Variants in EPN1 observed in about 807,000 individuals in gnomAD.
EPN1 encodes epsin 1.
A neutral mutation model predicts 56.9 loss-of-function variants in EPN1; 25 were observed. The observed-to-expected ratio is 0.44, with a 90% CI of 0.32 to 0.61. The LOEUF (loss-of-function observed/expected upper bound fraction) is 0.61. Ranked by LOEUF, EPN1 falls within the 20% of genes least tolerant of loss-of-function variation. The probability of loss-of-function intolerance (pLI) is 0.05; values close to 1 mark genes in which losing one functional copy is unlikely to be tolerated. For missense variants in EPN1, 785 were observed against 823.7 expected (o/e 0.95, Z 0.58); for synonymous variants, 411 against 361.8 (o/e 1.14, Z -1.54).
In EPN1 at chr19:55,708,466, A is replaced by T. The variant is rs2122264718; in HGVS notation, c.*13110A>T. The T allele has an allele frequency of 2.0e-5, 3 of 152,914 alleles. No individual in the cohort carries two copies. In the South Asian group the frequency reaches 6.2e-4, roughly 32 times the overall value. 9.5% of individuals were successfully genotyped at this position (152,914 alleles called of 1,614,324 possible). On this transcript the variant is annotated 3_prime_UTR_variant, in exon 11 of 11. Coordinates refer to ENST00000270460, the MANE Select transcript of EPN1 (RefSeq NM_001130072.2). ...GGAAATGCTTTTTTATTGGACAAGA[A>T]AATTGATCAAATCGAAATCTGGACA...
intron 2 of EPN1, among the ~76,000 whole-genome samples, chr19:55,682,644 G>A (rs552667566): frequency 6.4e-4 from 98 of 152,086 alleles, no homozygotes; most frequent in Middle Eastern, 6.8e-3. Flanking sequence ...TGTCACCCAC[G>A]ATGGTCTTGA....
chr19:55,683,269 C>G (rs1375178545), intron 2 of EPN1, among the ~76,000 whole-genome samples: 1 of 152,066 alleles, frequency 6.6e-6, no homozygotes, highest in African/African-American at 2.4e-5. Context: ...GTTGGCCAGG[C>G]TGGTCTCAAA....
In EPN1 at chr19:55,695,063, C is replaced by G; in HGVS notation, c.1522+80C>G. 2 of 1,596,984 alleles carry G rather than the reference C, an allele frequency of 1.3e-6. No individual in the cohort carries two copies. The highest frequency in any genetic ancestry group is 1.7e-6 in the Non-Finnish European group (2 of 1,171,226). ...GGTGCCTCACGGGGCAGGGACACTT[C>G]GCCCTTTGCCTGCACATGCTGGATG... On this transcript the variant is annotated intron_variant, in intron 10 of 10. Transcript: ENST00000270460. The surrounding 1 kb of genome is among the most constrained non-coding windows in gnomAD (Gnocchi z 4.4).
intron 3 of EPN1, among the ~76,000 whole-genome samples, chr19:55,688,127 T>C (rs1226186284): frequency 6.6e-6 from 1 of 152,152 alleles, no homozygotes; most frequent in African/African-American, 2.4e-5. Context: ...GGCCCTGTGC[T>C]CGGCGGGCCT....
In EPN1 at chr19:55,694,900, C is replaced by T; in HGVS notation, c.1439C>T (p.Ala480Val). The stretch of plus-strand genomic sequence containing the variant: ...GAGTCATTCCTGGGGCCCAATGCAG[C>T]CCTCGTCGACCTGGACTCGCTGGTG... ...TPESFLGPNA[A>V]LVDLDSLVSR... Residue 480 changes from alanine (A) to valine (V), a missense_variant, in exon 10 of 11, where the codon GCC becomes GTC. Ala to Val is a moderately conservative substitution (Grantham distance 64, BLOSUM62 0). Around this residue, in one of 2 missense-constraint regions of EPN1, gnomAD observed 650 missense variants for 605.0 expected, o/e 1.07. Coordinates refer to ENST00000270460, the MANE Select transcript of EPN1 (RefSeq NM_001130072.2). This position sits in a 1 kb window ranked among gnomAD's most constrained non-coding sequence, Gnocchi z 4.2. The T allele has an allele frequency of 6.3e-7, 1 of 1,590,646 alleles. No homozygotes were observed. The highest frequency in any genetic ancestry group is 8.6e-7 in the Non-Finnish European group (1 of 1,168,896).
Position 55,700,301 on chromosome 19 carries a change from T to G in EPN1, c.*4945T>G, listed in dbSNP as rs1317224429. 1 of 143,984 alleles carries G rather than the reference T, an allele frequency of 6.9e-6. No homozygotes were observed. Among genetic ancestry groups the G allele is most frequent in the African/African-American group, 2.7e-5 (1 of 37,144 alleles). 8.9% of individuals were successfully genotyped at this position (143,984 alleles called of 1,614,324 possible). On this transcript the variant is annotated 3_prime_UTR_variant, in exon 11 of 11. Coordinates refer to ENST00000270460, the MANE Select transcript of EPN1 (RefSeq NM_001130072.2). ...ATTATTATTTATTTTTTTTTTGAGA[T>G]GGAGTCTTGCTCTCGTCCCCCAGGC... is the stretch of plus-strand genomic sequence containing the variant.
At chr19:55,678,486 A>G in intron 1 of EPN1, 41 bp from the exon 2 acceptor site, 1 of 1,509,666 alleles carries the variant, frequency 6.6e-7, no homozygotes, top group Non-Finnish European at 8.8e-7. Context: ...TGGGCAGGCC[A>G]TGTCCCATTT....
chr19:55,678,583 C>A lies in EPN1; in HGVS notation c.-45C>A. On this transcript the variant is annotated 5_prime_UTR_variant, in exon 2 of 11. Coordinates refer to ENST00000270460, the MANE Select transcript of EPN1 (RefSeq NM_001130072.2). ...TTCGTCCGGGAGTCGCCCCATCTCTCCACGCATCGGGGCCCTGTGCCCCTT... is the reference window on the plus strand; with the variant it reads ...TTCGTCCGGGAGTCGCCCCATCTCTACACGCATCGGGGCCCTGTGCCCCTT... 6.4e-7 allele frequency: 1 copy of A among 1,570,004 alleles called. No individual in the cohort carries two copies. Among genetic ancestry groups the A allele is most frequent in the Non-Finnish European group, 8.6e-7 (1 of 1,159,932 alleles).
chr19:55,691,870 G>T lies in EPN1; in HGVS notation c.879G>T (p.Ser293=), dbSNP rs554975161. 16 of 1,601,040 alleles carry T rather than the reference G, an allele frequency of 1.0e-5. No individual in the cohort carries two copies. The highest frequency in any genetic ancestry group is 2.7e-5 in the African/African-American group (2 of 74,580). The change falls in exon 7 of 11, where the codon TCG becomes TCT. Residue 293 remains serine, a synonymous_variant. Transcript: ENST00000270460. This position sits in a 1 kb window ranked among gnomAD's most constrained non-coding sequence, Gnocchi z 5.6. ...AAAVPTAAPT[S]DPWGGPPVPP... ...CCGTCCCCACGGCTGCCCCCACCTC[G>T]GACCCCTGGGGCGGCCCCCCTGTCC...
intron 2 of EPN1, among the ~76,000 whole-genome samples, chr19:55,682,205 C>T (rs1365971894): frequency 6.6e-6 from 1 of 152,192 alleles, no homozygotes; most frequent in South Asian, 2.1e-4. Context: ...CATGTGGACA[C>T]CTGTGTAGCC....
rs1986531588 is a variant in EPN1 at position 55,691,301 on chromosome 19, C to T, written c.763-453C>T. Among the ~76,000 whole-genome samples, 1 of 152,052 alleles carries T rather than the reference C, an allele frequency of 6.6e-6. No individual in the cohort carries two copies. The highest frequency in any genetic ancestry group is 2.4e-5 in the African/African-American group (1 of 41,388). On this transcript the variant is annotated intron_variant, in intron 6 of 10. Coordinates refer to ENST00000270460, the MANE Select transcript of EPN1 (RefSeq NM_001130072.2). This position sits in a 1 kb window ranked among gnomAD's most constrained non-coding sequence, Gnocchi z 5.6. The stretch of plus-strand genomic sequence containing the variant: ...TTGACCTGAGTGGGTTCATGGGGGG[C>T]TTCCCAGGGGAAGGCATGGAGCAGG...
rs141644934 is a variant in EPN1, at chr19:55,697,451, A to G, written c.*2095A>G. 1.3e-3 allele frequency: 198 copies of G among 152,368 alleles called. No homozygotes were observed. The highest frequency in any genetic ancestry group is 4.6e-3 in the African/African-American group (193 of 41,588). 9.4% of individuals were successfully genotyped at this position (152,368 alleles called of 1,614,324 possible). On this transcript the variant is annotated 3_prime_UTR_variant, in exon 11 of 11. Coordinates refer to ENST00000270460, the MANE Select transcript of EPN1 (RefSeq NM_001130072.2). ...CCTGCACTCCCTTTCTCTTCAAAAA[A>G]GCTGAGGACGAAGATAAAATGATAC... is the stretch of plus-strand genomic sequence containing the variant.
At position 55,707,416 on chromosome 19, in the gene EPN1, G is replaced by A. The variant is rs1401716153; in HGVS notation, c.*12060G>A. The A allele has an allele frequency of 6.6e-6, 1 of 152,356 alleles. No homozygotes were observed. Among genetic ancestry groups the A allele is most frequent in the Non-Finnish European group, 1.5e-5 (1 of 68,192 alleles). 9.4% of individuals were successfully genotyped at this position (152,356 alleles called of 1,614,324 possible). ...AGTCAAATGTGAAACTGGTGTCAGG[G>A]GTATGTTCTCCATGTTGAGCCCCTT... On this transcript the variant is annotated 3_prime_UTR_variant, in exon 11 of 11. Coordinates refer to ENST00000270460, the MANE Select transcript of EPN1 (RefSeq NM_001130072.2).
chr19:55,680,349 T>G (rs1465967667), intron 2 of EPN1, among the ~76,000 whole-genome samples: 1 of 152,144 alleles, frequency 6.6e-6, no homozygotes, highest in Non-Finnish European at 1.5e-5. Flanking sequence ...TCCCCAGGCC[T>G]GGCTGTTCCT....
Position 55,691,987 on chromosome 19 carries a change from C to T in EPN1, c.996C>T (p.Asp332=). The T allele has an allele frequency of 1.3e-6, 2 of 1,493,328 alleles. No homozygotes were observed. The highest frequency in any genetic ancestry group is 1.8e-6 in the Non-Finnish European group (2 of 1,128,598). The allele number at this position is 1,493,328 out of a possible 1,614,324, so 92.5% of individuals were successfully genotyped here. ...RPAAPAGPSV[D]PWGGTPAPAA... The stretch of plus-strand genomic sequence containing the variant: ...CTGCCCCTGCAGGACCCTCAGTTGA[C>T]CCTTGGGGTGGGACCCCAGCCCCTG... Residue 332 remains aspartate, a synonymous_variant, in exon 7 of 11, where the codon GAC becomes GAT. Coordinates refer to ENST00000270460, the MANE Select transcript of EPN1 (RefSeq NM_001130072.2). This position sits in a 1 kb window ranked among gnomAD's most constrained non-coding sequence, Gnocchi z 5.6.
intron 1 of EPN1, 55 bp downstream of exon 1, chr19:55,675,490 G>C (rs1320151994): frequency 6.6e-6 from 1 of 152,352 alleles, no homozygotes; most frequent in East Asian, 1.9e-4. Context: ...GGGTGTTCGG[G>C]CCTGGGCCGC....
At position 55,705,802 on chromosome 19, in the gene EPN1, TTGTGGG is replaced by T. The variant is rs1216426950; in HGVS notation, c.*10447_*10452del. ...GACATTGTGGCTGGAATATTTGTTG[TTGTGGG>T]ATATATATATATATATATATTTAGA... is the stretch of plus-strand genomic sequence containing the variant. On this transcript the variant is annotated 3_prime_UTR_variant, in exon 11 of 11. Coordinates refer to ENST00000270460, the MANE Select transcript of EPN1 (RefSeq NM_001130072.2). 3 of 125,362 alleles carry T rather than the reference TTGTGGG, an allele frequency of 2.4e-5. No homozygotes were observed. The highest frequency in any genetic ancestry group is 9.7e-5 in the African/African-American group (3 of 30,812). The allele number at this position is 125,362 out of a possible 1,614,324, so 7.8% of individuals were successfully genotyped here.
Position 55,701,763 on chromosome 19 carries a change from T to A in EPN1, c.*6407T>A, listed in dbSNP as rs1260639167. 6.6e-6 allele frequency: 1 copy of A among 152,004 alleles called. No homozygotes were observed. Among genetic ancestry groups the A allele is most frequent in the Non-Finnish European group, 1.5e-5 (1 of 68,018 alleles). 9.4% of individuals were successfully genotyped at this position (152,004 alleles called of 1,614,324 possible). ...CAGAGTGAGATTTGGAGCAGGAGTT[T>A]AATAGGCAAAAGGAAGAAACAGCTC... On this transcript the variant is annotated 3_prime_UTR_variant, in exon 11 of 11. Coordinates refer to ENST00000270460, the MANE Select transcript of EPN1 (RefSeq NM_001130072.2).
At chr19:55,693,679 C>G (rs961649944) in intron 9 of EPN1, among the ~76,000 whole-genome samples, 2 of 152,112 alleles carry the variant, frequency 1.3e-5, no homozygotes, top group Non-Finnish European at 2.9e-5. Flanking sequence ...CAGCCTTGAT[C>G]TCTTATTTTT....
Sources: allele counts gnomAD v4.1 joint callset (sites outside exome capture counted in the v4.1 genomes callset), GRCh38; gene constraint gnomAD v4.1.1; regional missense constraint gnomAD v4.1.1; non-coding constraint Gnocchi (gnomAD v3.1); transcripts MANE v1.5; gene names NCBI Gene and HGNC (gene_info 2026-07-23, HGNC 2026-07-21).